The following TNIP1 variants were observed in gnomAD, a reference collection of about 807,000 sequenced individuals.
TNIP1 encodes the protein TNFAIP3 interacting protein 1.
In TNIP1, 22 loss-of-function variants were observed where a neutral mutation model predicts 86.6. The observed-to-expected ratio is 0.25, with a 90% CI of 0.18 to 0.36. The LOEUF (loss-of-function observed/expected upper bound fraction) is 0.36, where lower values mean the gene tolerates loss of function less well. Ranked by LOEUF, TNIP1 falls within the 10% of genes least tolerant of loss-of-function variation. TNIP1 has a pLI of 1.00. For missense variants in TNIP1, 709 were observed against 820.6 expected (o/e 0.86, Z 1.66); for synonymous variants, 294 against 313.0 (o/e 0.94, Z 0.64).
chr5:151,081,118 C>A (rs1458216442), upstream of TNIP1: 1 of 152,196 alleles, frequency 6.6e-6, no homozygotes, highest in Non-Finnish European at 1.5e-5. Flanking sequence ...CCGCGCGCTC[C>A]GGGCGGGCCC....
At chr5:151,034,849 AC>A in intron 15 of TNIP1, 152 bp downstream of exon 15, 1 of 777,304 alleles carries the variant, frequency 1.3e-6, no homozygotes, top group Non-Finnish European at 2.2e-6. Context: ...CTGCCTCTGT[AC>A]CAATACTGCT....
At chr5:151,035,989 C>T (rs1383537695) in intron 13 of TNIP1, among the ~76,000 whole-genome samples, 3 of 152,240 alleles carry the variant, frequency 2.0e-5, no homozygotes, top group Non-Finnish European at 2.9e-5. Context: ...GCAATCCTTT[C>T]ACTCCGCTGA....
rs988654046 is a variant in TNIP1, at chr5:151,035,513, C to T, written c.1521+69G>A. 1.0e-4 allele frequency: 167 copies of T among 1,610,314 alleles called. 2 individuals carry two copies. The highest frequency in any genetic ancestry group is 3.3e-4 in the Middle Eastern group (2 of 6,036). On this transcript the variant is annotated intron_variant, in intron 14 of 17. Coordinates refer to ENST00000521591, the MANE Select transcript of TNIP1 (RefSeq NM_006058.5). The stretch of plus-strand genomic sequence containing the variant: ...TCCTGACATCCAGCCTCACCAGGGC[C>T]CTCCAATCCATGCCCCCTCTCCCCA...
At chr5:151,050,435 C>T (rs1713105286) in intron 7 of TNIP1, among the ~76,000 whole-genome samples, 2 of 152,230 alleles carry the variant, frequency 1.3e-5, no homozygotes, top group Admixed American at 6.5e-5. Flanking sequence ...TATTAACATC[C>T]TTTCACTTTC....
chr5:151,056,074 T>C (rs1760619292), intron 6 of TNIP1, among the ~76,000 whole-genome samples: 1 of 152,168 alleles, frequency 6.6e-6, no homozygotes, highest in Non-Finnish European at 1.5e-5. Context: ...AATCTAACCA[T>C]GGAGGCACTT....
intron 1 of TNIP1, among the ~76,000 whole-genome samples, chr5:151,066,680 T>C (rs933851348): frequency 1.3e-4 from 20 of 152,218 alleles, no homozygotes; most frequent in Non-Finnish European, 1.0e-4. Flanking sequence ...AACTCTAACA[T>C]GCATACTAAT....
At chr5:151,061,705 T>C (rs538293694) in intron 4 of TNIP1, among the ~76,000 whole-genome samples, 31 of 152,140 alleles carry the variant, frequency 2.0e-4, no homozygotes, top group Non-Finnish European at 4.1e-4. Flanking sequence ...CTCAAACTCC[T>C]GGGTTCAAGC....
chr5:151,082,913 C>T (rs924050729), upstream of TNIP1, among the ~76,000 whole-genome samples: 2 of 152,208 alleles, frequency 1.3e-5, no homozygotes, highest in Admixed American at 6.5e-5. Context: ...GACCATGGAG[C>T]CCATAGATAA....
At position 151,076,375 on chromosome 5, in the gene TNIP1, G is replaced by A. The variant is rs545526851; in HGVS notation, c.-37+4505C>T. On this transcript the variant is annotated intron_variant, in intron 1 of 17. Coordinates refer to ENST00000521591, the MANE Select transcript of TNIP1 (RefSeq NM_006058.5). ...ATAGCAGCAAGAATCTAGGAGGGCA[G>A]GCACAGCAAGGCCTGGCCCAGAGGG... Among the ~76,000 whole-genome samples the A allele has an allele frequency of 5.9e-5, 9 of 152,338 alleles. No individual in the cohort carries two copies. The South Asian group carries it at 8.3e-4, about 14-fold the overall frequency.
chr5:151,054,534 T>C (rs1459951450), intron 6 of TNIP1, among the ~76,000 whole-genome samples: 2 of 151,954 alleles, frequency 1.3e-5, no homozygotes, highest in Non-Finnish European at 2.9e-5. Flanking sequence ...TACCAAAAAA[T>C]TGGCCAGGCA....
chr5:151,036,215 G>C (rs1207481322), intron 13 of TNIP1, among the ~76,000 whole-genome samples: 2 of 152,206 alleles, frequency 1.3e-5, no homozygotes, highest in African/African-American at 4.8e-5. Context: ...GGCAGTTTAG[G>C]AGGATTAAAT....
At chr5:151,037,136 A>G (rs774923081) in intron 12 of TNIP1, 2 of 494,062 alleles carry the variant, frequency 4.0e-6, no homozygotes, top group Non-Finnish European at 6.5e-6. Context: ...AAAGACTATG[A>G]TCATCATCCT....
chr5:151,065,548 C>T (rs928018183), intron 1 of TNIP1, among the ~76,000 whole-genome samples: 3 of 152,140 alleles, frequency 2.0e-5, no homozygotes, highest in African/African-American at 7.2e-5. Flanking sequence ...TGAATTTTGC[C>T]CAATAAACAC....
intron 6 of TNIP1, 81 bp downstream of exon 6, chr5:151,056,685 A>G: frequency 7.4e-7 from 1 of 1,344,210 alleles, no homozygotes. Context: ...GTACCAGTGG[A>G]TTCCCAGGAG....
intron 1 of TNIP1, among the ~76,000 whole-genome samples, chr5:151,078,828 G>A (rs1448082790): frequency 6.6e-6 from 1 of 152,198 alleles, no homozygotes; most frequent in African/African-American, 2.4e-5. Context: ...GGGTACAGGA[G>A]TAAAACAGTA....
chr5:151,032,512 C>T, intron 16 of TNIP1, 129 bp from the exon 17 acceptor site: 1 of 929,966 alleles, frequency 1.1e-6, no homozygotes, highest in Admixed American at 2.4e-5. Context: ...CCCAGGCTGG[C>T]ACTCCCATTT....
chr5:151,065,047 G>A lies in TNIP1; in HGVS notation c.49C>T (p.Pro17Ser). The A allele has an allele frequency of 1.9e-6, 3 of 1,614,170 alleles. No individual in the cohort carries two copies. The highest frequency in any genetic ancestry group is 2.5e-6 in the Non-Finnish European group (3 of 1,180,020). The change falls in exon 2 of 18, where the codon CCC becomes TCC. Residue 17 changes from proline to serine, a missense_variant. By Grantham distance (74) the Pro-to-Ser change is moderately conservative. Transcript: ENST00000521591. ...YRIYDPGGSVPSGEASAAFER... is the reference protein window; with the variant it reads ...YRIYDPGGSVSSGEASAAFER... ...AAAGCTGCGGATGCCTCTCCTGAGGGCACGCTGCCCCCAGGGTCGTAGATC... is the reference window on the plus strand; with the variant it reads ...AAAGCTGCGGATGCCTCTCCTGAGGACACGCTGCCCCCAGGGTCGTAGATC...
intron 17 of TNIP1, 49 bp downstream of exon 17, chr5:151,032,238 A>C: frequency 2.7e-6 from 4 of 1,485,718 alleles, no homozygotes; most frequent in African/African-American, 1.4e-5. Context: ...CTGGCAGATA[A>C]GATATTATCT....
intron 12 of TNIP1, 107 bp downstream of exon 12, chr5:151,038,989 TG>T: frequency 1.4e-6 from 2 of 1,435,300 alleles, no homozygotes; most frequent in East Asian, 2.4e-5. Context: ...GCTCACTGAC[TG>T]GGGGTTACCC....
Sources: allele counts gnomAD v4.1 joint callset (sites outside exome capture counted in the v4.1 genomes callset), GRCh38; gene constraint gnomAD v4.1.1; transcripts MANE v1.5; gene names NCBI Gene and HGNC (gene_info 2026-07-23, HGNC 2026-07-21).